Variants in MBTD1 observed in about 807,000 individuals in gnomAD.
The protein encoded by MBTD1 is mbt domain containing 1, also known as MBT domain-containing protein 1.
MBTD1 carries 24 observed loss-of-function variants against 87.8 expected under a neutral mutation model. That is an observed-to-expected ratio of 0.27 (90% confidence interval 0.20 to 0.38). MBTD1 has a LOEUF of 0.38. MBTD1 is among the 10% of genes least tolerant of loss of function. The pLI is 1.00. For synonymous variants in MBTD1, 237 were observed against 248.6 expected (o/e 0.95, Z 0.44); for missense variants, 436 against 760.2 (o/e 0.57, Z 5.02).
In MBTD1 at chr17:51,180,701, GAA is replaced by G; in HGVS notation, c.1769-9_1769-8del. On this transcript the variant is annotated splice_region_variant and splice_polypyrimidine_tract_variant and intron_variant, in intron 16 of 16. Transcript: ENST00000586178. ...TTCAGCTGCAGTGTTGTCACTGAAT[GAA>G]AGAGAGAGAAACATATGGGCATTAA... 1 of 1,433,758 alleles carries G rather than the reference GAA, an allele frequency of 7.0e-7. No individual in the cohort carries two copies. The highest frequency in any genetic ancestry group is 9.6e-7 in the Non-Finnish European group (1 of 1,039,790). The allele number at this position is 1,433,758 out of a possible 1,614,324, so 88.8% of individuals were successfully genotyped here.
At chr17:51,195,073 A>T in intron 13 of MBTD1, 141 bp downstream of exon 13, 1 of 588,656 alleles carries the variant, frequency 1.7e-6, no homozygotes, top group Non-Finnish European at 2.8e-6. Context: ...AGAGCAACCT[A>T]CAGCTCCTGT....
intron 12 of MBTD1, among the ~76,000 whole-genome samples, chr17:51,198,891 C>G (rs2051296440): frequency 6.6e-6 from 1 of 152,020 alleles, no homozygotes; most frequent in Admixed American, 6.5e-5. Context: ...CAACCTCCAC[C>G]TCCCAGGTTC....
At chr17:51,241,567 A>G (rs1233278653) in intron 2 of MBTD1, among the ~76,000 whole-genome samples, 4 of 151,266 alleles carry the variant, frequency 2.6e-5, no homozygotes, top group Admixed American at 2.0e-4. Context: ...TCTATTTTTC[A>G]ATGTTGTATT....
At chr17:51,219,844 A>C (rs1216013152) in intron 4 of MBTD1, among the ~76,000 whole-genome samples, 1 of 152,230 alleles carries the variant, frequency 6.6e-6, no homozygotes, top group Non-Finnish European at 1.5e-5. Flanking sequence ...TTTTCTTTCC[A>C]TACCATGAGC....
At chr17:51,236,053 ATATAGATATC>A (rs1279373180) in intron 2 of MBTD1, among the ~76,000 whole-genome samples, 1 of 152,154 alleles carries the variant, frequency 6.6e-6, no homozygotes, top group Non-Finnish European at 1.5e-5. Flanking sequence ...ATGGGTCTAT[ATATAGATATC>A]TATAGATACA....
In MBTD1 at chr17:51,239,689, C is replaced by T. The variant is rs200109605; in HGVS notation, c.-48-14480G>A. ...TAGCATCATTTGTGGCAGTAACACT[C>T]GCCTTTATCCCCCAGCGGTGACAAC... On this transcript the variant is annotated intron_variant, in intron 2 of 16. Transcript: ENST00000586178. Among the ~76,000 whole-genome samples, 465 of 152,084 alleles carry T rather than the reference C, an allele frequency of 3.1e-3. 1 individual carries two copies. Among genetic ancestry groups the T allele is most frequent in the Non-Finnish European group, 5.0e-3 (337 of 68,020 alleles).
At position 51,252,272 on chromosome 17, in the gene MBTD1, A is replaced by G. The variant is rs1027295983; in HGVS notation, c.-49+6871T>C. Among the ~76,000 whole-genome samples the G allele has an allele frequency of 4.6e-5, 7 of 152,180 alleles. No homozygotes were observed. The East Asian group carries it at 7.7e-4, about 17-fold the overall frequency. On this transcript the variant is annotated intron_variant, in intron 2 of 16. Coordinates refer to ENST00000586178, the MANE Select transcript of MBTD1 (RefSeq NM_017643.3). ...TCATATAACCACCATGAACACTAAT[A>G]ATATGAATCATGGGACTATCTTAAA...
chr17:51,203,161 C>A lies in MBTD1; in HGVS notation c.807G>T (p.Leu269=). 6.3e-7 allele frequency: 1 copy of A among 1,596,314 alleles called. No individual in the cohort carries two copies. Among genetic ancestry groups the A allele is most frequent in the South Asian group, 1.2e-5 (1 of 86,688 alleles). ...TTACCTTTTGGGAGAAATCAGGAGG[C>A]AGTGTTTTGGCACCAGTAAGTCGTT... ...LVKRLTGAKT[L]PPDFSQKVSE... Residue 269 remains leucine (L), a synonymous_variant, in exon 9 of 17, where the codon CTG becomes CTT. Coordinates refer to ENST00000586178, the MANE Select transcript of MBTD1 (RefSeq NM_017643.3).
Position 51,179,482 on chromosome 17 carries a change from TTTTATATATATATATA to T in MBTD1, c.*1078_*1093del, listed in dbSNP as rs1166480294. ...AAATCCTGAATACAATTAAAGACAA[TTTTATATATATATATA>T]TATATATATATATATATATATATAT... On this transcript the variant is annotated 3_prime_UTR_variant, in exon 17 of 17. Transcript: ENST00000586178. 2.8e-3 allele frequency: 90 copies of T among 31,648 alleles called. 5 individuals are homozygous for T. The highest frequency in any genetic ancestry group is 9.3e-3 in the African/African-American group (53 of 5,720). 2.0% of individuals were successfully genotyped at this position (31,648 alleles called of 1,614,324 possible). A position where few individuals can be genotyped will look rare whatever the true frequency, so the allele number is the denominator to read the frequency against.
intron 2 of MBTD1, among the ~76,000 whole-genome samples, chr17:51,255,588 CTT>C (rs200452852): frequency 1.4e-5 from 2 of 147,058 alleles, no homozygotes; most frequent in East Asian, 2.0e-4. Flanking sequence ...TGATGATAAC[CTT>C]TTTTTTTTCC....
Position 51,206,059 on chromosome 17 carries a change from T to C in MBTD1, c.604+829A>G, listed in dbSNP as rs538108137. On this transcript the variant is annotated intron_variant, in intron 7 of 16. Transcript: ENST00000586178. ...CTGGTAGTAGTCAACATTTGGCCGATGTGAACATGCTGGAAAAAATACAAG... is the reference window on the plus strand; with the variant it reads ...CTGGTAGTAGTCAACATTTGGCCGACGTGAACATGCTGGAAAAAATACAAG... Among the ~76,000 whole-genome samples the C allele has an allele frequency of 6.6e-5, 10 of 152,312 alleles. No individual in the cohort carries two copies. In the South Asian group the frequency reaches 1.7e-3, roughly 25 times the overall value.
chr17:51,238,982 C>G (rs762104939), intron 2 of MBTD1, among the ~76,000 whole-genome samples: 37 of 151,992 alleles, frequency 2.4e-4, no homozygotes, highest in Non-Finnish European at 4.0e-4. Flanking sequence ...CGTCTGTAGT[C>G]CCAGCTACTC....
chr17:51,211,865 T>C (rs1164654806), intron 6 of MBTD1, among the ~76,000 whole-genome samples: 2 of 152,198 alleles, frequency 1.3e-5, no homozygotes, highest in African/African-American at 2.4e-5. Flanking sequence ...TGAGTTTTAC[T>C]GTAAACTATT....
At chr17:51,211,823 T>A (rs2052238858) in intron 6 of MBTD1, among the ~76,000 whole-genome samples, 1 of 152,138 alleles carries the variant, frequency 6.6e-6, no homozygotes. Flanking sequence ...AAAAAGATTT[T>A]ACTAATAAGC....
In MBTD1 at chr17:51,213,646, A is replaced by G. The variant is rs537627472; in HGVS notation, c.486+3688T>C. Among the ~76,000 whole-genome samples the G allele has an allele frequency of 1.3e-4, 20 of 152,326 alleles. No homozygotes were observed. In the East Asian group the frequency reaches 2.9e-3, roughly 22 times the overall value. On this transcript the variant is annotated intron_variant, in intron 6 of 16. Transcript: ENST00000586178. ...ACAAAGTAGCAAGTATTCTTCATTT[A>G]TAAGAGATGGACTAGCTGAACCAGA...
intron 13 of MBTD1, 126 bp downstream of exon 13, chr17:51,195,088 A>G (rs957201923): frequency 3.3e-5 from 23 of 690,920 alleles, no homozygotes; most frequent in Non-Finnish European, 4.9e-5. Context: ...TCCTGTATGT[A>G]TATGTTTATC....
intron 2 of MBTD1, among the ~76,000 whole-genome samples, chr17:51,230,807 G>A (rs2053507367): frequency 6.6e-6 from 1 of 152,132 alleles, no homozygotes; most frequent in Non-Finnish European, 1.5e-5. Context: ...TTTTTTTCCT[G>A]GAGGCAATGG....
chr17:51,182,027 G>A (rs966984894), intron 16 of MBTD1, among the ~76,000 whole-genome samples: 5 of 151,972 alleles, frequency 3.3e-5, no homozygotes, highest in African/African-American at 1.2e-4. Flanking sequence ...GTCCCGTGTT[G>A]AGCAATGCTA....
At chr17:51,246,635 T>C (rs958349547) in intron 2 of MBTD1, among the ~76,000 whole-genome samples, 6 of 152,166 alleles carry the variant, frequency 3.9e-5, no homozygotes, top group Admixed American at 3.3e-4. Context: ...TCCACTGTTA[T>C]GTCTCTAATT....
Sources: allele counts gnomAD v4.1 joint callset (sites outside exome capture counted in the v4.1 genomes callset), GRCh38; gene constraint gnomAD v4.1.1; transcripts MANE v1.5; gene names NCBI Gene and HGNC (gene_info 2026-07-23, HGNC 2026-07-21).